The following GHR variants were observed in gnomAD, a reference collection of about 807,000 sequenced individuals.
GHR encodes GH receptor.
In GHR, 35 loss-of-function variants were observed where a neutral mutation model predicts 67.1. That is an observed-to-expected ratio of 0.52 (90% CI 0.40 to 0.69). GHR has a LOEUF of 0.69. GHR is among the 30% of genes least tolerant of loss of function. GHR has a pLI of 0.00. For synonymous variants in GHR, 272 were observed against 269.1 expected (o/e 1.01, Z -0.10); for missense variants, 792 against 764.6 (o/e 1.04, Z -0.42).
intron 3 of GHR, among the ~76,000 whole-genome samples, chr5:42,686,072 T>G (rs1045711410): frequency 2.0e-5 from 3 of 152,228 alleles, no homozygotes; most frequent in African/African-American, 4.8e-5. Flanking sequence ...TTTATGGTTT[T>G]GGGTCTTACG....
chr5:42,557,230 GATATACACTTT>G (rs1170473570), intron 1 of GHR, among the ~76,000 whole-genome samples: 47 of 152,160 alleles, frequency 3.1e-4, no homozygotes, highest in African/African-American at 1.1e-3. Context: ...TATCCTAGGA[GATATACACTTT>G]ACATTATGAT....
In GHR at chr5:42,720,258, T is replaced by A. The variant is rs1758954898; in HGVS notation, c.*834T>A. Reference sequence around the variant, plus strand: ...GTTAATTTAGAAAACTTTAAAGCGTTTGCACAGATCAACTTACCAGGCACC... The same window carrying A: ...GTTAATTTAGAAAACTTTAAAGCGTATGCACAGATCAACTTACCAGGCACC... On this transcript the variant is annotated 3_prime_UTR_variant, in exon 10 of 10. Transcript: ENST00000230882. The A allele has an allele frequency of 6.6e-6, 1 of 152,202 alleles. No homozygotes were observed. The highest frequency in any genetic ancestry group is 2.4e-5 in the African/African-American group (1 of 41,458). The allele number at this position is 152,202 out of a possible 1,614,324, so 9.4% of individuals were successfully genotyped here.
At chr5:42,504,860 C>T (rs1335747640) in intron 1 of GHR, among the ~76,000 whole-genome samples, 1 of 152,172 alleles carries the variant, frequency 6.6e-6, no homozygotes, top group Non-Finnish European at 1.5e-5. Flanking sequence ...AAGAGTCTTA[C>T]CTTATATTCT....
chr5:42,597,593 C>T (rs558430168), intron 2 of GHR, among the ~76,000 whole-genome samples: 1 of 152,310 alleles, frequency 6.6e-6, no homozygotes, highest in South Asian at 2.1e-4. Context: ...GCTCCCAAAT[C>T]TCTTTCAGTG....
intron 1 of GHR, among the ~76,000 whole-genome samples, chr5:42,534,844 T>A (rs1748186293): frequency 6.6e-6 from 1 of 151,906 alleles, no homozygotes; most frequent in Non-Finnish European, 1.5e-5. Flanking sequence ...TTATTTTTTT[T>A]ATTATGGCCA....
At chr5:42,525,882 C>G (rs1747686538) in intron 1 of GHR, among the ~76,000 whole-genome samples, 1 of 152,188 alleles carries the variant, frequency 6.6e-6, no homozygotes, top group South Asian at 2.1e-4. Context: ...CTTTTGCCTC[C>G]TGCCATGATT....
Position 42,498,063 on chromosome 5 carries a change from T to G in GHR, c.-11-67801T>G, listed in dbSNP as rs150397368. 4.0e-3 allele frequency among the ~76,000 whole-genome samples: 616 copies of G among 152,336 alleles called. 2 individuals are homozygous for G. The highest frequency in any genetic ancestry group is 9.0e-3 in the Admixed American group (138 of 15,296). The stretch of plus-strand genomic sequence containing the variant: ...AGAGCATTTGGATACATCCTGATAA[T>G]TACTTTATCTCAGATATTCTTAGAT... On this transcript the variant is annotated intron_variant, in intron 1 of 9. Transcript: ENST00000230882.
At chr5:42,687,268 C>T (rs930554734) in intron 3 of GHR, among the ~76,000 whole-genome samples, 3 of 152,252 alleles carry the variant, frequency 2.0e-5, no homozygotes, top group South Asian at 2.1e-4. Context: ...AGATTCAATG[C>T]TATCCCCATC....
intron 1 of GHR, among the ~76,000 whole-genome samples, chr5:42,440,067 A>G (rs1250587701): frequency 6.6e-6 from 1 of 152,202 alleles, no homozygotes; most frequent in Admixed American, 6.5e-5. Context: ...ATCCTCATTC[A>G]TTAATTCATT....
intron 1 of GHR, among the ~76,000 whole-genome samples, chr5:42,554,143 C>T (rs1749186204): frequency 6.6e-6 from 1 of 152,122 alleles, no homozygotes; most frequent in Non-Finnish European, 1.5e-5. Context: ...CAGTCCCTAT[C>T]CTACTGATCC....
At chr5:42,556,167 T>C (rs930271498) in intron 1 of GHR, among the ~76,000 whole-genome samples, 1 of 152,200 alleles carries the variant, frequency 6.6e-6, no homozygotes, top group African/African-American at 2.4e-5. Flanking sequence ...TATTAGGGCA[T>C]GCTAGTAACT....
intron 1 of GHR, among the ~76,000 whole-genome samples, chr5:42,540,895 T>C (rs760373387): frequency 3.6e-4 from 55 of 151,970 alleles, no homozygotes; most frequent in South Asian, 6.3e-4. Context: ...ATAAAGCAGA[T>C]CTAGCACATT....
chr5:42,619,829 C>T lies in GHR; in HGVS notation c.71-9209C>T, dbSNP rs559542008. 3 of 152,254 alleles carry T rather than the reference C, an allele frequency of 2.0e-5. No homozygotes were observed. The East Asian group carries it at 5.8e-4, about 29-fold the overall frequency. The allele number at this position is 152,254 out of a possible 1,614,324, so 9.4% of individuals were successfully genotyped here. On this transcript the variant is annotated intron_variant, in intron 2 of 9. Coordinates refer to ENST00000230882, the MANE Select transcript of GHR (RefSeq NM_000163.5). ...CTTAAAACCTCTGCCAAAGTATATG[C>T]TTTCTTAGGACACCTCTGACATGCT...
rs144765598 is a variant in GHR, at chr5:42,515,916, T to C, written c.-11-49948T>C. ...ATTTGCTCCATCAAGTTGTTTGGTT[T>C]AAATCTAAGAATAAGCCCACTGAAA... On this transcript the variant is annotated intron_variant, in intron 1 of 9. Coordinates refer to ENST00000230882, the MANE Select transcript of GHR (RefSeq NM_000163.5). Among the ~76,000 whole-genome samples, 106 of 152,354 alleles carry C rather than the reference T, an allele frequency of 7.0e-4. 1 individual carries two copies. In the East Asian group the frequency reaches 0.018, roughly 26 times the overall value.
chr5:42,427,230 A>G (rs1398271480), intron 1 of GHR, among the ~76,000 whole-genome samples: 2 of 152,356 alleles, frequency 1.3e-5, no homozygotes, highest in Admixed American at 6.5e-5. Context: ...TAATAAAGAC[A>G]TACGTGAGAC....
chr5:42,467,643 C>A (rs1744794851), intron 1 of GHR: 1 of 1,606,200 alleles, frequency 6.2e-7, no homozygotes, highest in Non-Finnish European at 8.5e-7. Context: ...CATAAGGTTT[C>A]TGTCCAGTGT....
intron 1 of GHR, among the ~76,000 whole-genome samples, chr5:42,450,296 T>G (rs1743991712): frequency 6.6e-6 from 1 of 152,318 alleles, no homozygotes; most frequent in Non-Finnish European, 1.5e-5. Flanking sequence ...ACTGTTTCAG[T>G]CTCACTACTT....
chr5:42,606,877 T>C (rs2112656250), intron 2 of GHR, among the ~76,000 whole-genome samples: 1 of 152,068 alleles, frequency 6.6e-6, no homozygotes, highest in East Asian at 1.9e-4. Flanking sequence ...TGCACACCTG[T>C]TTAAAATTGC....
chr5:42,540,773 C>G (rs1002571211), intron 1 of GHR, among the ~76,000 whole-genome samples: 1 of 152,042 alleles, frequency 6.6e-6, no homozygotes, highest in African/African-American at 2.4e-5. Context: ...ACTACATTGC[C>G]CATGATCAAC....
Sources: allele counts gnomAD v4.1 joint callset (sites outside exome capture counted in the v4.1 genomes callset), GRCh38; gene constraint gnomAD v4.1.1; transcripts MANE v1.5; gene names NCBI Gene and HGNC (gene_info 2026-07-23, HGNC 2026-07-21).